The following RASA2 variants were observed in gnomAD, a reference collection of about 807,000 sequenced individuals.
The protein encoded by RASA2 is ras GTPase-activating protein 2.
A neutral mutation model predicts 118.2 loss-of-function variants in RASA2; 155 were observed. That is an observed-to-expected ratio of 1.31 (90% CI 1.15 to 1.50). The LOEUF (loss-of-function observed/expected upper bound fraction) is 1.50, where lower values mean the gene tolerates loss of function less well. RASA2 is among the 40% of genes most tolerant of loss of function. The probability of loss-of-function intolerance (pLI) is 0.00; values close to 1 mark genes in which losing one functional copy is unlikely to be tolerated. For missense variants in RASA2, 1,016 were observed against 1,009.6 expected, an observed-to-expected ratio of 1.01 and a Z score of -0.09; for synonymous variants, 353 against 349.1, an observed-to-expected ratio of 1.01 and a Z score of -0.12.
At chr3:141,525,929 A>C (rs2082178655) in intron 3 of RASA2, 1 of 152,222 alleles carries the variant, frequency 6.6e-6, no homozygotes, top group South Asian at 2.1e-4. Context: ...AAGTCATTCT[A>C]ATGCAGAGGA....
chr3:141,585,802 C>CATAAATAAATAA (rs60749303), intron 17 of RASA2, among the ~76,000 whole-genome samples: 2 of 151,732 alleles, frequency 1.3e-5, no homozygotes, highest in African/African-American at 2.4e-5. Context: ...TCTGTCTCCA[C>CATAAATAAATAA]ATAAATAAAT....
At chr3:141,571,108 G>T in intron 10 of RASA2, 40 bp downstream of exon 10, 2 of 1,535,576 alleles carry the variant, frequency 1.3e-6, no homozygotes, top group Non-Finnish European at 1.8e-6. Flanking sequence ...AACACGAAAC[G>T]GCTAAAATAA....
chr3:141,496,928 G>A (rs1035683939), intron 1 of RASA2, among the ~76,000 whole-genome samples: 3 of 152,116 alleles, frequency 2.0e-5, no homozygotes, highest in Non-Finnish European at 4.4e-5. Flanking sequence ...ATGTCCATCA[G>A]TGATAGACTG....
chr3:141,543,969 G>A (rs1297748174), intron 5 of RASA2, among the ~76,000 whole-genome samples: 4 of 143,610 alleles, frequency 2.8e-5, no homozygotes, highest in Non-Finnish European at 4.5e-5. Context: ...TCTGCCTCCC[G>A]GATTCAAGCG....
At position 141,608,799 on chromosome 3, in the gene RASA2, GCAA is replaced by G. The variant is rs1295768972; in HGVS notation, c.2225+109_2225+111del. The stretch of plus-strand genomic sequence containing the variant: ...GAAAAGGAATGACATACTGATCCAT[GCAA>G]CAACAAGGATGGGACCTTGAAAAAT... On this transcript the variant is annotated intron_variant, in intron 21 of 23. Transcript: ENST00000286364. The G allele has an allele frequency of 1.4e-5, 18 of 1,275,560 alleles. No individual in the cohort carries two copies. In the African/African-American group the frequency reaches 2.2e-4, roughly 16 times the overall value. The allele number at this position is 1,275,560 out of a possible 1,614,324, so 79.0% of individuals were successfully genotyped here.
chr3:141,607,989 C>G (rs1459142360), intron 20 of RASA2, among the ~76,000 whole-genome samples: 1 of 152,128 alleles, frequency 6.6e-6, no homozygotes, highest in African/African-American at 2.4e-5. Flanking sequence ...GTTGATGCCT[C>G]ATATAGCTTG....
chr3:141,579,780 G>A lies in RASA2; in HGVS notation c.1591-588G>A, dbSNP rs144498576. On this transcript the variant is annotated intron_variant, in intron 15 of 23. Transcript: ENST00000286364. ...GATAAAATTATGGCTTTTGGCTGGT[G>A]CCAAAAGGCTCATGCCTGTAATCCC... Among the ~76,000 whole-genome samples, 472 of 151,978 alleles carry A rather than the reference G, an allele frequency of 3.1e-3. 1 individual carries two copies. The highest frequency in any genetic ancestry group is 5.0e-3 in the Non-Finnish European group (342 of 67,956).
chr3:141,498,793 G>A (rs906150184), intron 1 of RASA2, among the ~76,000 whole-genome samples: 11 of 152,086 alleles, frequency 7.2e-5, no homozygotes, highest in African/African-American at 2.4e-4. Context: ...CCTTCCTTTT[G>A]TTTGTCATAC....
chr3:141,604,840 G>A (rs1342814936), intron 19 of RASA2, among the ~76,000 whole-genome samples: 4 of 151,770 alleles, frequency 2.6e-5, no homozygotes, highest in Non-Finnish European at 5.9e-5. Context: ...CACCAACATG[G>A]CACATGTATA....
intron 19 of RASA2, among the ~76,000 whole-genome samples, chr3:141,595,908 T>A (rs1157852841): frequency 6.6e-6 from 1 of 152,220 alleles, no homozygotes; most frequent in African/African-American, 2.4e-5. Context: ...TATGAGCCAC[T>A]GCACCTGGCC....
At chr3:141,571,198 A>G in intron 10 of RASA2, 130 bp downstream of exon 10, 1 of 1,085,562 alleles carries the variant, frequency 9.2e-7, no homozygotes, top group Non-Finnish European at 1.3e-6. Flanking sequence ...ACATATATAT[A>G]CACACACACA....
At chr3:141,590,679 G>A (rs979351522) in intron 19 of RASA2, among the ~76,000 whole-genome samples, 1 of 152,106 alleles carries the variant, frequency 6.6e-6, no homozygotes, top group Admixed American at 6.5e-5. Context: ...TGTGACTTTG[G>A]TGTCTGAAAG....
At chr3:141,520,893 T>A (rs1211270601) in intron 3 of RASA2, among the ~76,000 whole-genome samples, 1 of 152,084 alleles carries the variant, frequency 6.6e-6, no homozygotes, top group Non-Finnish European at 1.5e-5. Context: ...GCAGTGGAAA[T>A]ACAGATGAGG....
chr3:141,599,243 T>TA (rs1328874860), intron 19 of RASA2, among the ~76,000 whole-genome samples: 177 of 139,778 alleles, frequency 1.3e-3, no homozygotes, highest in African/African-American at 4.3e-3. Flanking sequence ...TTTTTTGGGT[T>TA]TTTTTTTTTT....
intron 2 of RASA2, among the ~76,000 whole-genome samples, chr3:141,512,966 G>A (rs939347957): frequency 2.5e-4 from 38 of 151,912 alleles, no homozygotes; most frequent in African/African-American, 9.2e-4. Context: ...GGGAGGCTGA[G>A]GCAGGAGAAT....
At chr3:141,545,325 G>A (rs1241888278) in intron 5 of RASA2, among the ~76,000 whole-genome samples, 1 of 152,086 alleles carries the variant, frequency 6.6e-6, no homozygotes, top group Non-Finnish European at 1.5e-5. Context: ...GGTTCTGCAG[G>A]CTGTACAGGA....
intron 19 of RASA2, among the ~76,000 whole-genome samples, chr3:141,588,314 C>T (rs1266046788): frequency 6.6e-6 from 1 of 152,168 alleles, no homozygotes; most frequent in Non-Finnish European, 1.5e-5. Flanking sequence ...ATAATTACAA[C>T]ATAGAAAACT....
At chr3:141,574,290 T>C (rs1434521512) in intron 14 of RASA2, among the ~76,000 whole-genome samples, 4 of 151,906 alleles carry the variant, frequency 2.6e-5, no homozygotes, top group African/African-American at 9.7e-5. Context: ...CCCGGGTTCA[T>C]GCCATTCTCC....
At chr3:141,541,199 GC>G (rs1434598806) in intron 5 of RASA2, among the ~76,000 whole-genome samples, 2 of 152,132 alleles carry the variant, frequency 1.3e-5, no homozygotes, top group East Asian at 3.9e-4. Flanking sequence ...CTCTATTTTT[GC>G]ATTAGTTGAC....
Sources: gnomAD v4.1 joint callset for allele counts (sites outside exome capture counted in the v4.1 genomes callset) on GRCh38, gnomAD v4.1.1 for gene constraint, MANE v1.5 for transcripts, NCBI Gene and HGNC (gene_info 2026-07-23, HGNC 2026-07-21) for gene names.